Variants in DMD observed in about 807,000 individuals in gnomAD.
DMD encodes the protein mutant dystrophin.
A neutral mutation model predicts 330.1 loss-of-function variants in DMD; 63 were observed. The observed-to-expected ratio is 0.19, with a 90% CI of 0.16 to 0.24. The LOEUF is 0.24. DMD is among the 10% of genes least tolerant of loss of function. The probability of loss-of-function intolerance (pLI) is 1.00; values close to 1 mark genes in which losing one functional copy is unlikely to be tolerated. For missense variants in DMD, 3,344 were observed against 2,684.1 expected, an observed-to-expected ratio of 1.25 and a Z score of -5.43; for synonymous variants, 1,223 against 959.8, an observed-to-expected ratio of 1.27 and a Z score of -5.07.
chrX:32,755,265 G>A (rs1043864117), intron 7 of DMD, among the ~76,000 whole-genome samples: 3 of 109,836 alleles, frequency 2.7e-5, no homozygotes, highest in Non-Finnish European at 5.7e-5. Flanking sequence ...TTTACTTACA[G>A]TATCAATTTC....
At chrX:31,284,557 T>TTTCTTCTTCTTCTTTCTTCTTC (rs2052896374) in intron 62 of DMD, among the ~76,000 whole-genome samples, 2 of 78,070 alleles carry the variant, frequency 2.6e-5, no homozygotes, top group African/African-American at 5.2e-5. Flanking sequence ...TAACGAACTG[T>TTTCTTCTTCTTCTTTCTTCTTC]TTCTTCTTCT....
At chrX:31,864,485 C>CTTTTTTTTTTTTTTTTTTTTTT (rs201374257) in intron 48 of DMD, among the ~76,000 whole-genome samples, 1 of 54,349 alleles carries the variant, frequency 1.8e-5, no homozygotes, top group Non-Finnish European at 3.1e-5. Context: ...TTTTGAAGGC[C>CTTTTTTTTTTTTTTTTTTTTTT]TTTTTTTTTT....
At chrX:33,202,350 T>C (rs990623910) in intron 1 of DMD, among the ~76,000 whole-genome samples, 1 of 111,693 alleles carries the variant, frequency 9.0e-6, no homozygotes, top group African/African-American at 3.2e-5. Flanking sequence ...TGAGCTACCT[T>C]AAGCAAATTA....
chrX:32,521,227 T>G (rs2046389880), intron 17 of DMD, among the ~76,000 whole-genome samples: 1 of 112,157 alleles, frequency 8.9e-6, no homozygotes, highest in African/African-American at 3.2e-5. Context: ...TGGAGTGCAG[T>G]GGTGCAATCT....
intron 67 of DMD, among the ~76,000 whole-genome samples, chrX:31,198,348 C>T (rs922506889): frequency 9.0e-5 from 10 of 111,518 alleles, no homozygotes; most frequent in Non-Finnish European, 1.7e-4. Context: ...CCTCCTGAAA[C>T]GCTGGTCCTA....
chrX:32,224,012 A>T (rs1379110), intron 43 of DMD, among the ~76,000 whole-genome samples: 5,589 of 111,381 alleles, frequency 0.05, 131 homozygotes, highest in Non-Finnish European at 0.066. Context: ...TTTTTGTGCC[A>T]TGGTTCACTT....
At chrX:32,536,335 A>G (rs1316235980) in intron 17 of DMD, among the ~76,000 whole-genome samples, 3 of 110,181 alleles carry the variant, frequency 2.7e-5, no homozygotes, top group African/African-American at 1.0e-4. Context: ...ATAACCAGAA[A>G]GACAAGGTGG....
chrX:32,118,775 G>A (rs768329024), intron 44 of DMD, among the ~76,000 whole-genome samples: 20 of 109,860 alleles, frequency 1.8e-4, no homozygotes, highest in African/African-American at 6.0e-4. Flanking sequence ...GATCAGGGGC[G>A]GGTGGGGTTG....
chrX:32,807,864 C>A (rs1287378486), intron 7 of DMD, among the ~76,000 whole-genome samples: 1 of 111,799 alleles, frequency 8.9e-6, no homozygotes, highest in East Asian at 2.8e-4. Context: ...TCTTCTCTTA[C>A]TGTTTTATGA....
chrX:31,165,291 A>G (rs2039297602), intron 74 of DMD, among the ~76,000 whole-genome samples: 1 of 112,293 alleles, frequency 8.9e-6, no homozygotes, highest in Non-Finnish European at 1.9e-5. Context: ...TTGGCTTCAT[A>G]AGGTCTTACT....
intron 2 of DMD, among the ~76,000 whole-genome samples, chrX:32,985,347 A>G (rs905382215): frequency 8.9e-6 from 1 of 112,314 alleles, no homozygotes; most frequent in African/African-American, 3.2e-5. Flanking sequence ...GATTTTAGAC[A>G]TAAGATGTAT....
At chrX:31,543,198 G>A (rs1421795932) in intron 55 of DMD, among the ~76,000 whole-genome samples, 1 of 109,561 alleles carries the variant, frequency 9.1e-6, no homozygotes, top group Admixed American at 9.7e-5. Flanking sequence ...TTTAGATAGA[G>A]TCTTGCTCTG....
At chrX:32,484,016 A>G (rs1225896818) in intron 21 of DMD, among the ~76,000 whole-genome samples, 2 of 110,854 alleles carry the variant, frequency 1.8e-5, no homozygotes, top group Admixed American at 9.7e-5. Flanking sequence ...CAACTAATTT[A>G]AGTTTTAGTA....
intron 2 of DMD, among the ~76,000 whole-genome samples, chrX:32,951,037 G>A (rs748491049): frequency 3.6e-5 from 4 of 111,522 alleles, no homozygotes; most frequent in South Asian, 3.8e-4. Context: ...TTACAAAAAC[G>A]TCACACACAC....
At chrX:33,076,135 C>T (rs968513655) in intron 1 of DMD, among the ~76,000 whole-genome samples, 1 of 110,739 alleles carries the variant, frequency 9.0e-6, no homozygotes, top group Non-Finnish European at 1.9e-5. Context: ...TGACCCCCCA[C>T]TCAGGAACTG....
intron 27 of DMD, among the ~76,000 whole-genome samples, chrX:32,442,953 G>A (rs1214785546): frequency 1.8e-5 from 2 of 110,854 alleles, no homozygotes; most frequent in East Asian, 2.8e-4. Flanking sequence ...TCACTCATAT[G>A]TGTGTGGATT....
intron 5 of DMD, 39 bp downstream of exon 5, chrX:32,823,256 A>G: frequency 1.9e-6 from 2 of 1,075,853 alleles, no homozygotes; most frequent in Middle Eastern, 2.5e-4. Flanking sequence ...AAACAAGATT[A>G]ATGTTACCCA....
Position 32,481,175 on chromosome X carries a change from C to T in DMD, c.2803+3744G>A, listed in dbSNP as rs1050000219. Among the ~76,000 whole-genome samples, 4 of 110,419 alleles carry T rather than the reference C, an allele frequency of 3.6e-5. No homozygotes were observed. The South Asian group carries it at 1.6e-3, about 43-fold the overall frequency. On this transcript the variant is annotated intron_variant, in intron 21 of 78. Coordinates refer to ENST00000357033, the MANE Select transcript of DMD (RefSeq NM_004006.3). ...CCCTTAAAATTTTCTTCTACTGTCT[C>T]TGTAAGAGGTAAAAGTTATTTTCTT... is the stretch of plus-strand genomic sequence containing the variant.
chrX:32,498,718 TAC>T (rs1258163739), intron 19 of DMD, among the ~76,000 whole-genome samples: 4 of 111,906 alleles, frequency 3.6e-5, no homozygotes, highest in Non-Finnish European at 7.5e-5. Context: ...TTTGATAAAA[TAC>T]AGTGAAAATA....
Sources: gnomAD v4.1 joint callset for allele counts (sites outside exome capture counted in the v4.1 genomes callset) on GRCh38, gnomAD v4.1.1 for gene constraint, MANE v1.5 for transcripts, NCBI Gene and HGNC (gene_info 2026-07-23, HGNC 2026-07-21) for gene names.